The following PASK variants were observed in gnomAD, a reference collection of about 807,000 sequenced individuals.
PASK encodes PAS domain-containing serine/threonine-protein kinase.
In PASK, 110 loss-of-function variants were observed where a neutral mutation model predicts 121.0. The observed-to-expected ratio is 0.91, with a 90% CI of 0.78 to 1.06. The LOEUF is 1.06. Ranked by LOEUF, PASK falls within the 50% of genes least tolerant of loss-of-function variation. The pLI is 0.00. For missense variants in PASK, 1,643 were observed against 1,702.3 expected (o/e 0.97, Z 0.61); for synonymous variants, 686 against 717.8 (o/e 0.96, Z 0.71).
chr2:241,123,103 A>AACTGGCAC (rs1225968735), intron 11 of PASK, among the ~76,000 whole-genome samples: 1 of 151,870 alleles, frequency 6.6e-6, no homozygotes, highest in Non-Finnish European at 1.5e-5. Context: ...CACTGATCCC[A>AACTGGCAC]ACTGGCACAC....
chr2:241,124,731 G>A (rs1401563564), intron 10 of PASK, among the ~76,000 whole-genome samples: 1 of 152,030 alleles, frequency 6.6e-6, no homozygotes, highest in Non-Finnish European at 1.5e-5. Context: ...TTTTCTTCTT[G>A]TTTATATTTC....
chr2:241,122,180 C>T lies in PASK; in HGVS notation c.3072+552G>A, dbSNP rs541615415. Among the ~76,000 whole-genome samples the T allele has an allele frequency of 5.3e-5, 8 of 151,650 alleles. No homozygotes were observed. In the South Asian group the frequency reaches 1.3e-3, roughly 24 times the overall value. On this transcript the variant is annotated intron_variant, in intron 12 of 17. Transcript: ENST00000234040. Reference sequence around the variant, plus strand: ...AAAAAGCATAGCTCAAATAAATGATCTAAGATACCACCTTAGGAAAATAGA... The same window carrying T: ...AAAAAGCATAGCTCAAATAAATGATTTAAGATACCACCTTAGGAAAATAGA...
At position 241,142,934 on chromosome 2, in the gene PASK, G is replaced by T; in HGVS notation, c.99C>A (p.Thr33=). The T allele has an allele frequency of 1.9e-6, 3 of 1,613,402 alleles. No homozygotes were observed. Residue 33 remains threonine, a synonymous_variant, in exon 2 of 18, where the codon ACC becomes ACA. Transcript: ENST00000234040. The stretch of plus-strand genomic sequence containing the variant: ...AAAACGACCTGCTGGGCTCAGCAGT[G>T]GTCTGTGCAGCTGGGCCCTCTGCTG... ...PVSAEGPAAQ[T]TAEPSRSFSS... is the part of the protein sequence containing the mutation.
At position 241,127,109 on chromosome 2, in the gene PASK, C is replaced by T. The variant is rs748986704; in HGVS notation, c.1806G>A (p.Ala602=). The change falls in exon 10 of 18, where the codon GCG becomes GCA. Residue 602 remains alanine, a synonymous_variant. Coordinates refer to ENST00000234040, the MANE Select transcript of PASK (RefSeq NM_015148.4). ...GGCAGTGCATCAGGAGGCTGCCCCC[C>T]GCCAGCTGACCCTTGGCCTGGGGCT... is the stretch of plus-strand genomic sequence containing the variant. ...VAKPQAKGQL[A]GGSLLMHCPC... is the part of the protein sequence containing the mutation. 47 of 1,613,944 alleles carry T rather than the reference C, an allele frequency of 2.9e-5. No homozygotes were observed. The highest frequency in any genetic ancestry group is 4.0e-5 in the African/African-American group (3 of 74,950).
At chr2:241,114,927 A>G (rs754692830) in intron 14 of PASK, 116 bp downstream of exon 14, 33 of 1,583,078 alleles carry the variant, frequency 2.1e-5, no homozygotes, top group Non-Finnish European at 2.1e-5. Context: ...ATCCCCACAC[A>G]GAAGGCTAGA....
chr2:241,143,646 G>A (rs1364480003), intron 1 of PASK, among the ~76,000 whole-genome samples: 1 of 152,182 alleles, frequency 6.6e-6, no homozygotes, highest in African/African-American at 2.4e-5. Flanking sequence ...ACAAAGAACA[G>A]GGTGGGAAGG....
At position 241,126,875 on chromosome 2, in the gene PASK, G is replaced by A. The variant is rs754192027; in HGVS notation, c.2040C>T (p.Ala680=). The A allele has an allele frequency of 2.0e-5, 32 of 1,612,980 alleles. No homozygotes were observed. Among genetic ancestry groups the A allele is most frequent in the East Asian group, 6.7e-5 (3 of 44,844 alleles). Residue 680 remains alanine, a synonymous_variant, in exon 10 of 18, where the codon GCC becomes GCT. Coordinates refer to ENST00000234040, the MANE Select transcript of PASK (RefSeq NM_015148.4). ...SLAGALDVPH[A]ELVPTECQAV... is the part of the protein sequence containing the mutation. ...CCTGGCACTCTGTCGGAACGAGTTC[G>A]GCGTGGGGGACATCCAGGGCTCCTG...
intron 16 of PASK, 139 bp from the exon 17 acceptor site, chr2:241,107,638 C>T (rs938265902): frequency 2.6e-6 from 2 of 781,504 alleles, no homozygotes; most frequent in Non-Finnish European, 4.5e-6. Flanking sequence ...GTGCAGGGCC[C>T]AGCTGTGCTT....
At chr2:241,115,261 G>C in intron 13 of PASK, 27 bp downstream of exon 13, 1 of 1,613,908 alleles carries the variant, frequency 6.2e-7, no homozygotes, top group Non-Finnish European at 8.5e-7. Context: ...AGCCAAGTTA[G>C]GGTATCTCTG....
chr2:241,113,384 TTATATATACATACCTGCATATTTATA>T (rs1234459160), intron 14 of PASK: 1 of 92,596 alleles, frequency 1.1e-5, no homozygotes, highest in Non-Finnish European at 1.8e-5. Flanking sequence ...ACCTGCATAT[TTATATATACATACCTGCATATTTATA>T]TATACATACC....
intron 12 of PASK, among the ~76,000 whole-genome samples, chr2:241,120,683 A>G (rs1171189597): frequency 6.6e-6 from 1 of 152,210 alleles, no homozygotes; most frequent in Non-Finnish European, 1.5e-5. Context: ...ATAAGTGTTG[A>G]CAAGGATATG....
intron 1 of PASK, among the ~76,000 whole-genome samples, chr2:241,145,115 G>A (rs1432767824): frequency 2.6e-5 from 4 of 152,098 alleles, no homozygotes; most frequent in Non-Finnish European, 5.9e-5. Context: ...GGGTTTCACC[G>A]TGTTAGCCAA....
chr2:241,149,498 C>G, upstream of PASK: 1 of 685,674 alleles, frequency 1.5e-6, no homozygotes, highest in Non-Finnish European at 2.4e-6. Flanking sequence ...ACCAATCGCA[C>G]AGCGACTAGC....
intron 6 of PASK, among the ~76,000 whole-genome samples, 153 bp downstream of exon 6, chr2:241,137,800 T>C (rs562881818): frequency 1.3e-5 from 2 of 152,300 alleles, no homozygotes; most frequent in South Asian, 2.1e-4. Flanking sequence ...CGGCCCTTGG[T>C]CAAGGCCTCA....
chr2:241,115,660 C>T (rs756523538), intron 12 of PASK, among the ~76,000 whole-genome samples: 1 of 148,832 alleles, frequency 6.7e-6, no homozygotes, highest in Non-Finnish European at 1.5e-5. Context: ...GACACCCGGT[C>T]CTCAAGCATC....
Position 241,132,891 on chromosome 2 carries a change from T to G in PASK, c.1446A>C (p.Ser482=), listed in dbSNP as rs55979651. The G allele has an allele frequency of 9.7e-3, 15,686 of 1,613,910 alleles. 1,333 individuals are homozygous for G. The African/African-American group carries it at 0.18, about 19-fold the overall frequency. The change falls in exon 9 of 18, where the codon TCA becomes TCC. Residue 482 remains serine, a synonymous_variant. Transcript: ENST00000234040. ...IAGGQLLSCL[S]PQPAPGVDNV... is the part of the protein sequence containing the mutation. ...GGACTTACCCTGGAGCAGGCTGAGG[T>G]GAGAGGCAGGAAAGGAGCTGGCCTC... is the stretch of plus-strand genomic sequence containing the variant.
intron 7 of PASK, 74 bp from the exon 8 acceptor site, chr2:241,136,113 G>T: frequency 7.6e-7 from 1 of 1,307,692 alleles, no homozygotes; most frequent in Non-Finnish European, 1.1e-6. Flanking sequence ...CCCTGGGGGA[G>T]GAATGAACAC....
At position 241,124,956 on chromosome 2, in the gene PASK, G is replaced by C. The variant is rs997389673; in HGVS notation, c.2720-823C>G. ...CCGAGGCGGGCGGATCACGAGGTCA[G>C]GAGATCGAGACCATCCTGGCTAACA... On this transcript the variant is annotated intron_variant, in intron 10 of 17. Transcript: ENST00000234040. 2.0e-5 allele frequency among the ~76,000 whole-genome samples: 3 copies of C among 151,992 alleles called. 1 individual carries two copies. The highest frequency in any genetic ancestry group is 4.4e-5 in the Non-Finnish European group (3 of 67,998).
rs113478347 is a variant in PASK at position 241,142,397 on chromosome 2, G to A, written c.196+440C>T. On this transcript the variant is annotated intron_variant, in intron 2 of 17. Coordinates refer to ENST00000234040, the MANE Select transcript of PASK (RefSeq NM_015148.4). ...GTGCCTGGACAAAGGAGGCACCAAC[G>A]GAATCTGGACATAGGAGGCACCAAC... Among the ~76,000 whole-genome samples, 67 of 151,768 alleles carry A rather than the reference G, an allele frequency of 4.4e-4. No homozygotes were observed. The East Asian group carries it at 7.1e-3, about 16-fold the overall frequency.
Sources: gnomAD v4.1 joint callset for allele counts (sites outside exome capture counted in the v4.1 genomes callset) on GRCh38, gnomAD v4.1.1 for gene constraint, MANE v1.5 for transcripts, NCBI Gene and HGNC (gene_info 2026-07-23, HGNC 2026-07-21) for gene names.